Variants in SRRM2 observed in about 807,000 individuals in gnomAD.
The protein encoded by SRRM2 is serine/arginine repetitive matrix protein 2.
In SRRM2, 30 loss-of-function variants were observed where a neutral mutation model predicts 213.8. The observed-to-expected ratio is 0.14, with a 90% CI of 0.10 to 0.19. SRRM2 has a LOEUF of 0.19. SRRM2 is among the 10% of genes least tolerant of loss of function. The pLI is 1.00. For synonymous variants in SRRM2, 2,025 were observed against 1,377.7 expected, an observed-to-expected ratio of 1.47 and a Z score of -10.40; for missense variants, 4,904 against 3,647.0, an observed-to-expected ratio of 1.34 and a Z score of -8.88.
rs781766061 is a variant in SRRM2, at chr16:2,757,668, C to T, written c.350+89C>T. The T allele has an allele frequency of 3.8e-6, 6 of 1,580,210 alleles. No individual in the cohort carries two copies. The African/African-American group carries it at 5.4e-5, about 14-fold the overall frequency. ...TCCTTTTCCTTACGTGGGACTTCCT[C>T]CCTGCTTTCGTCTGCCTTTCCCATG... is the stretch of plus-strand genomic sequence containing the variant. On this transcript the variant is annotated intron_variant, in intron 3 of 14. Coordinates refer to ENST00000301740, the MANE Select transcript of SRRM2 (RefSeq NM_016333.4).
rs775732480 is a variant in SRRM2 at position 2,763,737 on chromosome 16, A to G, written c.3209A>G (p.Asp1070Gly). The G allele has an allele frequency of 6.8e-6, 11 of 1,614,088 alleles. No homozygotes were observed. The African/African-American group carries it at 8.0e-5, about 12-fold the overall frequency. The change falls in exon 11 of 15, where the codon GAT becomes GGT. Residue 1070 changes from aspartate to glycine, a missense_variant. By Grantham distance (94) the Asp-to-Gly change is moderately conservative (BLOSUM62 -1). Coordinates refer to ENST00000301740, the MANE Select transcript of SRRM2 (RefSeq NM_016333.4). The stretch of plus-strand genomic sequence containing the variant: ...CAAACTTCACCAGACCACAGATCTG[A>G]TACTTCAAGTCCAGAAGTGAGACAG... Reference protein sequence around the residue: ...QSQTSPDHRSDTSSPEVRQSH... With the variant: ...QSQTSPDHRSGTSSPEVRQSH...
rs2068510145 is a variant in SRRM2, at chr16:2,765,547, G to A, written c.5019G>A (p.Arg1673=). The change falls in exon 11 of 15, where the codon AGG becomes AGA. Residue 1673 remains arginine (R), a synonymous_variant. Coordinates refer to ENST00000301740, the MANE Select transcript of SRRM2 (RefSeq NM_016333.4). ...CCAGAACTGCTCGCAGAGGTTCCAGGTCATCACCAGAGCCCAAGACCAAGT... is the reference window on the plus strand; with the variant it reads ...CCAGAACTGCTCGCAGAGGTTCCAGATCATCACCAGAGCCCAAGACCAAGT... ...PKSRTARRGS[R]SSPEPKTKSR... 3 of 1,614,040 alleles carry A rather than the reference G, an allele frequency of 1.9e-6. No individual in the cohort carries two copies.
In SRRM2 at chr16:2,762,282, G is replaced by T. The variant is rs543753457; in HGVS notation, c.1754G>T (p.Arg585Leu). The T allele has an allele frequency of 6.2e-7, 1 of 1,614,058 alleles. No homozygotes were observed. Among genetic ancestry groups the T allele is most frequent in the Non-Finnish European group, 8.5e-7 (1 of 1,180,010 alleles). The change falls in exon 11 of 15, where the codon CGC becomes CTC. Residue 585 changes from arginine to leucine, a missense_variant. By Grantham distance (102) the Arg-to-Leu change is moderately radical (BLOSUM62 -2). Coordinates refer to ENST00000301740, the MANE Select transcript of SRRM2 (RefSeq NM_016333.4). The part of the protein sequence containing the change: ...SRTPARRGRS[R>L]SRTPARRRSR... ...ACACCAGCCCGCCGGGGCAGGTCCCGCTCTAGAACACCTGCCAGGCGGAGA... is the reference window on the plus strand; with the variant it reads ...ACACCAGCCCGCCGGGGCAGGTCCCTCTCTAGAACACCTGCCAGGCGGAGA...
chr16:2,760,875 A>C, intron 10 of SRRM2: 1 of 196,772 alleles, frequency 5.1e-6, no homozygotes, highest in East Asian at 1.2e-4. Flanking sequence ...TGCCACCAAT[A>C]GTTTGAATGA....
In SRRM2 at chr16:2,770,997, C is replaced by A; in HGVS notation, c.*130C>A. ...ACCTTGGCAGCCCTTGGATGGAGGG[C>A]TCCCTTTCCCTCCCCTTTTTTTTTT... On this transcript the variant is annotated 3_prime_UTR_variant, in exon 15 of 15. Transcript: ENST00000301740. 1.0e-6 allele frequency: 1 copy of A among 1,004,444 alleles called. No individual in the cohort carries two copies. Among genetic ancestry groups the A allele is most frequent in the Non-Finnish European group, 1.5e-6 (1 of 685,622 alleles). The allele number at this position is 1,004,444 out of a possible 1,614,324, so 62.2% of individuals were successfully genotyped here.
In SRRM2 at chr16:2,767,158, G is replaced by C; in HGVS notation, c.6630G>C (p.Gln2210His). The change falls in exon 11 of 15, where the codon CAG becomes CAC. Residue 2210 changes from glutamine to histidine, a missense_variant. Coordinates refer to ENST00000301740, the MANE Select transcript of SRRM2 (RefSeq NM_016333.4). ...SAAGLAARMS[Q>H]VPAPVPLMSL... is the part of the protein sequence containing the mutation. ...CTGGCCTTGCTGCAAGAATGTCCCA[G>C]GTTCCAGCCCCGGTGCCTCTCATGA... is the stretch of plus-strand genomic sequence containing the variant. 1 of 1,614,174 alleles carries C rather than the reference G, an allele frequency of 6.2e-7. No individual in the cohort carries two copies. The highest frequency in any genetic ancestry group is 8.5e-7 in the Non-Finnish European group (1 of 1,180,032).
At position 2,770,626 on chromosome 16, in the gene SRRM2, C is replaced by G; in HGVS notation, c.8158C>G (p.Arg2720Gly). The G allele has an allele frequency of 6.4e-7, 1 of 1,552,622 alleles. No individual in the cohort carries two copies. The highest frequency in any genetic ancestry group is 2.4e-5 in the East Asian group (1 of 41,010). The change falls in exon 14 of 15, where the codon CGG (arginine) becomes GGG (glycine). Residue 2720 changes from arginine (R) to glycine (G), a missense_variant. Physicochemically the swap from Arg to Gly is moderately radical, Grantham distance 125 (BLOSUM62 -2). Transcript: ENST00000301740. ...CAGCAGCAGCAGTGAGCGGGGTTCC[C>G]GGAGAGGCCAGCGTGGGGACAGCCG... ...QQSSSSERGS[R>G]RGQRGDSRSP...
At chr16:2,757,110 A>T (rs998545091) in intron 2 of SRRM2, among the ~76,000 whole-genome samples, 1 of 152,190 alleles carries the variant, frequency 6.6e-6, no homozygotes, top group Non-Finnish European at 1.5e-5. Context: ...CTTTTAGAGC[A>T]GTGGTTTTAA....
At chr16:2,770,136 C>T (rs2068690196) in intron 12 of SRRM2, 5 of 1,427,684 alleles carry the variant, frequency 3.5e-6, no homozygotes, top group South Asian at 1.5e-5. Context: ...CAGGGACTGT[C>T]TTTATCTTTG....
rs2068350508 is a variant in SRRM2, at chr16:2,761,584, C to G, written c.1056C>G (p.Pro352=). The G allele has an allele frequency of 1.1e-5, 17 of 1,515,418 alleles. No homozygotes were observed. The highest frequency in any genetic ancestry group is 1.4e-5 in the Non-Finnish European group (16 of 1,134,534). 93.9% of individuals were successfully genotyped at this position (1,515,418 alleles called of 1,614,324 possible). Reference sequence around the variant, plus strand: ...AGAAATCTGCAACTCGACCTAGCCCCTCTCCGGAAAGGAGCAGCACAGGCC... The same window carrying G: ...AGAAATCTGCAACTCGACCTAGCCCGTCTCCGGAAAGGAGCAGCACAGGCC... The part of the protein sequence containing the change: ...KKEKSATRPS[P]SPERSSTGPE... The change falls in exon 11 of 15, where the codon CCC becomes CCG. Residue 352 remains proline (P), a synonymous_variant. Coordinates refer to ENST00000301740, the MANE Select transcript of SRRM2 (RefSeq NM_016333.4).
chr16:2,768,130 C>CTCG lies in SRRM2; in HGVS notation c.7614_7616dup (p.Ser2556dup), dbSNP rs761420606. ...CAGCAAAGGAGCGGCGGAGTTCCTC[C>CTCG]TCGTCGTCGTCGTCCTCTAGCTCCT... On this transcript the variant is annotated inframe_insertion, in exon 11 of 15. Coordinates refer to ENST00000301740, the MANE Select transcript of SRRM2 (RefSeq NM_016333.4). The CTCG allele has an allele frequency of 6.2e-6, 10 of 1,613,466 alleles. No individual in the cohort carries two copies. Among genetic ancestry groups the CTCG allele is most frequent in the South Asian group, 2.2e-5 (2 of 91,048 alleles).
In SRRM2 at chr16:2,762,889, A is replaced by G. The variant is rs2240141; in HGVS notation, c.2361A>G (p.Lys787=). Residue 787 remains lysine, a synonymous_variant, in exon 11 of 15, where the codon AAA becomes AAG. Transcript: ENST00000301740. ...TTTCAGGGTCTTCCCCATGCCCTAA[A>G]CAAAAGTCACAGACACCACCCAGGC... ...RSLSGSSPCP[K]QKSQTPPRRS... 1,294,860 of 1,613,910 alleles carry G rather than the reference A, an allele frequency of 0.8. 526,043 individuals carry two copies. The highest frequency in any genetic ancestry group is 0.86 in the Admixed American group (51,551 of 60,006).
At chr16:2,754,575 C>T (rs1422012896) in intron 1 of SRRM2, among the ~76,000 whole-genome samples, 2 of 152,142 alleles carry the variant, frequency 1.3e-5, no homozygotes, top group Non-Finnish European at 1.5e-5. Context: ...CAGGCGTGAG[C>T]CACCGTACCC....
In SRRM2 at chr16:2,761,761, A is replaced by G. The variant is rs1349525078; in HGVS notation, c.1233A>G (p.Lys411=). ...GTTCACCACCTAAGTCTCCCGAGAAACTTCCCCAGTCTTCTTCCTCAGAGA... is the reference window on the plus strand; with the variant it reads ...GTTCACCACCTAAGTCTCCCGAGAAGCTTCCCCAGTCTTCTTCCTCAGAGA... The part of the protein sequence containing the change: ...RDRSPPKSPE[K]LPQSSSSESS... The change falls in exon 11 of 15, where the codon AAA becomes AAG. Residue 411 remains lysine, a synonymous_variant. Coordinates refer to ENST00000301740, the MANE Select transcript of SRRM2 (RefSeq NM_016333.4). 1.2e-6 allele frequency: 2 copies of G among 1,613,212 alleles called. No homozygotes were observed. Among genetic ancestry groups the G allele is most frequent in the East Asian group, 2.2e-5 (1 of 44,852 alleles).
rs375822528 is a variant in SRRM2 at position 2,762,969 on chromosome 16, G to T, written c.2441G>T (p.Arg814Leu). The T allele has an allele frequency of 7.4e-6, 12 of 1,613,878 alleles. No individual in the cohort carries two copies. The highest frequency in any genetic ancestry group is 4.0e-5 in the African/African-American group (3 of 74,862). ...GCTAAATCTAGAACGCCACCCAGAC[G>T]CAGTCGCTCCAGTTCTTCTCCGCCA... ...PKAKSRTPPRRSRSSSSPPPK... is the reference protein window; with the variant it reads ...PKAKSRTPPRLSRSSSSPPPK... The change falls in exon 11 of 15, where the codon CGC (arginine) becomes CTC (leucine). Residue 814 changes from arginine to leucine, a missense_variant. By Grantham distance (102) the Arg-to-Leu change is moderately radical. Transcript: ENST00000301740.
chr16:2,765,641 C>A lies in SRRM2; in HGVS notation c.5113C>A (p.Arg1705Ser). ...GCTAACAAGGAAGGCCAGACTGTCC[C>A]GTAGAAGCCGCTCTGCCTCATCCTC... ...PELTRKARLS[R>S]RSRSASSSPE... The change falls in exon 11 of 15, where the codon CGT (arginine) becomes AGT (serine). Residue 1705 changes from arginine (R) to serine (S), a missense_variant. Coordinates refer to ENST00000301740, the MANE Select transcript of SRRM2 (RefSeq NM_016333.4). 6.2e-7 allele frequency: 1 copy of A among 1,614,110 alleles called. No individual in the cohort carries two copies. Among genetic ancestry groups the A allele is most frequent in the East Asian group, 2.2e-5 (1 of 44,864 alleles).
Position 2,764,011 on chromosome 16 carries a change from T to C in SRRM2, c.3483T>C (p.Thr1161=). Residue 1161 remains threonine (T), a synonymous_variant, in exon 11 of 15, where the codon ACT becomes ACC. Transcript: ENST00000301740. ...NSLLGQSRLE[T]AESKEKMALP... is the part of the protein sequence containing the mutation. The stretch of plus-strand genomic sequence containing the variant: ...TCTTGGGGCAGAGTAGATTGGAGAC[T>C]GCTGAATCAAAAGAGAAAATGGCCT... 1.9e-6 allele frequency: 3 copies of C among 1,614,210 alleles called. No individual in the cohort carries two copies. The highest frequency in any genetic ancestry group is 2.5e-6 in the Non-Finnish European group (3 of 1,180,042).
At chr16:2,752,869 G>C (rs1424627260) in intron 1 of SRRM2, 23 bp downstream of exon 1, 2 of 217,478 alleles carry the variant, frequency 9.2e-6, no homozygotes, top group African/African-American at 4.8e-5. Context: ...GGGAGCCAGC[G>C]AGCCGGGTGG....
rs1398042109 is a variant in SRRM2 at position 2,768,026 on chromosome 16, G to C, written c.7498G>C (p.Gly2500Arg). ...TGGCATGCTCTCTGTCCCTGCCCCT[G>C]GGGTGCCCCACTCTGATGTGGGGGA... ...HNGMLSVPAP[G>R]VPHSDVGEPP... The change falls in exon 11 of 15, where the codon GGG (glycine) becomes CGG (arginine). Residue 2500 changes from glycine (G) to arginine (R), a missense_variant. Physicochemically the swap from Gly to Arg is moderately radical, Grantham distance 125. Transcript: ENST00000301740. The C allele has an allele frequency of 8.7e-6, 14 of 1,614,038 alleles. No individual in the cohort carries two copies. Among genetic ancestry groups the C allele is most frequent in the South Asian group, 2.2e-5 (2 of 91,086 alleles).
Sources: gnomAD v4.1 joint callset for allele counts (sites outside exome capture counted in the v4.1 genomes callset) on GRCh38, gnomAD v4.1.1 for gene constraint, MANE v1.5 for transcripts, NCBI Gene and HGNC (gene_info 2026-07-23, HGNC 2026-07-21) for gene names.